Variants in RELN observed in about 807,000 individuals in gnomAD.
The protein encoded by RELN is reelin.
Under a neutral mutation model 427.6 loss-of-function variants are expected in RELN, and 108 were observed. That is an observed-to-expected ratio of 0.25 (90% CI 0.22 to 0.30). The LOEUF is 0.30. Ranked by LOEUF, RELN falls within the 10% of genes least tolerant of loss-of-function variation. The probability of loss-of-function intolerance (pLI) is 1.00; values close to 1 mark genes in which losing one functional copy is unlikely to be tolerated. For missense variants in RELN, 3,715 were observed against 4,302.8 expected (o/e 0.86, Z 3.82); for synonymous variants, 1,524 against 1,513.4 (o/e 1.01, Z -0.16).
At chr7:103,807,996 A>G (rs189991118) in intron 3 of RELN, among the ~76,000 whole-genome samples, 3 of 152,214 alleles carry the variant, frequency 2.0e-5, no homozygotes, top group Non-Finnish European at 4.4e-5. Context: ...GAGATAAGCA[A>G]AAGTTTAGAT....
chr7:103,906,291 C>T lies in RELN; in HGVS notation c.337+10784G>A, dbSNP rs143441771. Among the ~76,000 whole-genome samples the T allele has an allele frequency of 2.1e-3, 317 of 152,252 alleles. 3 individuals are homozygous for T. Among genetic ancestry groups the T allele is most frequent in the African/African-American group, 7.3e-3 (302 of 41,550 alleles). The stretch of plus-strand genomic sequence containing the variant: ...TCTGCAACTCCCTAAGCAAGCATAA[C>T]CTCCCGCAAGTTACTTATGCTCTTT... On this transcript the variant is annotated intron_variant, in intron 2 of 64. Transcript: ENST00000428762.
At chr7:103,754,463 C>G (rs896724354) in intron 4 of RELN, among the ~76,000 whole-genome samples, 2 of 151,786 alleles carry the variant, frequency 1.3e-5, no homozygotes, top group Non-Finnish European at 2.9e-5. Context: ...GACCGAGTCA[C>G]TCAGAGAGAA....
chr7:103,594,571 TAACAA>T (rs1831495047), intron 25 of RELN, 79 bp from the exon 26 acceptor site: 1 of 1,439,382 alleles, frequency 6.9e-7, no homozygotes. Flanking sequence ...ACAACAAGGG[TAACAA>T]CAAGAGAAAA....
At chr7:103,495,273 A>G (rs569939067) in intron 57 of RELN, among the ~76,000 whole-genome samples, 1 of 145,914 alleles carries the variant, frequency 6.9e-6, no homozygotes, top group Admixed American at 7.2e-5. Context: ...ATTATTTCTC[A>G]GCCTCCCAAG....
At position 103,677,318 on chromosome 7, in the gene RELN, G is replaced by A. The variant is rs1400885076; in HGVS notation, c.1289+4798C>T. Among the ~76,000 whole-genome samples the A allele has an allele frequency of 2.0e-5, 3 of 148,964 alleles. 1 individual carries two copies. The highest frequency in any genetic ancestry group is 7.4e-5 in the African/African-American group (3 of 40,448). ...GGAGAAATACCTAATGTAGGTGATG[G>A]GTTGATGGGTGCAGCAAACCACCAT... On this transcript the variant is annotated intron_variant, in intron 11 of 64. Coordinates refer to ENST00000428762, the MANE Select transcript of RELN (RefSeq NM_005045.4).
At position 103,561,579 on chromosome 7, in the gene RELN, G is replaced by A. The variant is rs1373813550; in HGVS notation, c.5482C>T (p.Leu1828=). 2 of 1,613,846 alleles carry A rather than the reference G, an allele frequency of 1.2e-6. No individual in the cohort carries two copies. The highest frequency in any genetic ancestry group is 2.2e-5 in the South Asian group (2 of 91,078). Residue 1828 remains leucine, a synonymous_variant, in exon 36 of 65, where the codon CTG becomes TTG. Transcript: ENST00000428762. ...PEVYGAERGN[L]NGETIKSGTS... is the part of the protein sequence containing the mutation. ...CCAGATTTGATGGTTTCACCATTCAGATTCCCCCTCTCTGCACCATACACT... is the reference window on the plus strand; with the variant it reads ...CCAGATTTGATGGTTTCACCATTCAAATTCCCCCTCTCTGCACCATACACT...
intron 2 of RELN, among the ~76,000 whole-genome samples, chr7:103,851,655 C>G (rs895613039): frequency 6.6e-6 from 1 of 152,166 alleles, no homozygotes; most frequent in Non-Finnish European, 1.5e-5. Flanking sequence ...CAGCCCGTAT[C>G]AATGCTTTTT....
At chr7:103,773,368 TCCCTCC>T (rs61634586) in intron 4 of RELN, among the ~76,000 whole-genome samples, 13,460 of 40,326 alleles carry the variant, frequency 0.33, 5,523 homozygotes, top group African/African-American at 0.64. Flanking sequence ...TCTCTCTCTC[TCCCTCC>T]CTCCCTCCCT....
At chr7:103,865,652 C>T (rs952153848) in intron 2 of RELN, among the ~76,000 whole-genome samples, 2 of 152,092 alleles carry the variant, frequency 1.3e-5, no homozygotes, top group East Asian at 1.9e-4. Context: ...ATGAAAATCA[C>T]GTGATCATCA....
intron 1 of RELN, among the ~76,000 whole-genome samples, chr7:103,917,596 C>T (rs907075585): frequency 2.0e-5 from 3 of 150,082 alleles, no homozygotes; most frequent in Non-Finnish European, 4.4e-5. Flanking sequence ...AACAACTATA[C>T]ATCAGCTGAA....
chr7:103,910,873 A>C (rs1440003039), intron 2 of RELN, among the ~76,000 whole-genome samples: 2 of 133,624 alleles, frequency 1.5e-5, no homozygotes, highest in Non-Finnish European at 1.5e-5. Context: ...TAAAGATTTA[A>C]ACGTTAGACC....
intron 2 of RELN, among the ~76,000 whole-genome samples, chr7:103,882,766 C>CA (rs1794637429): frequency 6.6e-6 from 1 of 152,136 alleles, no homozygotes; most frequent in Non-Finnish European, 1.5e-5. Flanking sequence ...CTGAACAGAC[C>CA]AAAAACAAGT....
Position 103,728,097 on chromosome 7 carries a change from T to C in RELN, c.753+14A>G, listed in dbSNP as rs368776001. ...ACTATAATGGAATAATGTACATGAA[T>C]AGCACATACTTACCAGTTCTCGTGG... On this transcript the variant is annotated intron_variant, in intron 7 of 64. Coordinates refer to ENST00000428762, the MANE Select transcript of RELN (RefSeq NM_005045.4). 94 of 1,610,338 alleles carry C rather than the reference T, an allele frequency of 5.8e-5. No homozygotes were observed. Among genetic ancestry groups the C allele is most frequent in the Middle Eastern group, 1.6e-4 (1 of 6,078 alleles).
intron 3 of RELN, among the ~76,000 whole-genome samples, chr7:103,799,498 C>G (rs1275805153): frequency 6.6e-6 from 1 of 152,184 alleles, no homozygotes; most frequent in African/African-American, 2.4e-5. Flanking sequence ...TCTAACCTAA[C>G]CATCTCCTAC....
intron 2 of RELN, among the ~76,000 whole-genome samples, chr7:103,840,560 G>A (rs1169234362): frequency 6.6e-6 from 1 of 152,144 alleles, no homozygotes; most frequent in Non-Finnish European, 1.5e-5. Context: ...AAAAATGGGA[G>A]AACATGACAC....
At chr7:103,473,493 C>T (rs569604745) in intron 64 of RELN, among the ~76,000 whole-genome samples, 2 of 152,150 alleles carry the variant, frequency 1.3e-5, no homozygotes, top group Non-Finnish European at 2.9e-5. Flanking sequence ...CCATAAGCAT[C>T]TGGGTTATAT....
chr7:103,796,829 G>GCAGCC, intron 3 of RELN, among the ~76,000 whole-genome samples: 1 of 135,092 alleles, frequency 7.4e-6, no homozygotes, highest in East Asian at 2.3e-4. Context: ...CCGCTGCACT[G>GCAGCC]CAGCCCAGCC....
At chr7:103,731,818 T>C (rs950964654) in intron 6 of RELN, among the ~76,000 whole-genome samples, 14 of 152,154 alleles carry the variant, frequency 9.2e-5, no homozygotes, top group African/African-American at 3.4e-4. Flanking sequence ...TTCTAATGGT[T>C]GCATTAAAAA....
chr7:103,658,417 TC>T lies in RELN; in HGVS notation c.1441+2958del, dbSNP rs202244508. On this transcript the variant is annotated intron_variant, in intron 12 of 64. Transcript: ENST00000428762. ...CTAAATCTCTTTCCATATGGCTTTA[TC>T]TCCCATCAGCCAAGAAAGTTTTAAA... Among the ~76,000 whole-genome samples the T allele has an allele frequency of 7.4e-3, 1,129 of 152,232 alleles. 8 individuals carry two copies. Among genetic ancestry groups the T allele is most frequent in the Non-Finnish European group, 0.011 (746 of 68,008 alleles).
Sources: gnomAD v4.1 joint callset for allele counts (sites outside exome capture counted in the v4.1 genomes callset) on GRCh38, gnomAD v4.1.1 for gene constraint, MANE v1.5 for transcripts, NCBI Gene and HGNC (gene_info 2026-07-23, HGNC 2026-07-21) for gene names.